SLC7A5: variants seen among roughly 807,000 people sequenced by gnomAD.
SLC7A5 encodes solute carrier family 7 member 5.
In SLC7A5, 23 loss-of-function variants were observed where a neutral mutation model predicts 50.2. The observed-to-expected ratio is 0.46, with a 90% CI of 0.33 to 0.65. SLC7A5 has a LOEUF of 0.65. SLC7A5 is among the 30% of genes least tolerant of loss of function. The pLI is 0.02. For missense variants in SLC7A5, 578 were observed against 684.4 expected (o/e 0.84, Z 1.73); for synonymous variants, 393 against 330.6 (o/e 1.19, Z -2.05).
rs2054954588 is a variant in SLC7A5, at chr16:87,833,197, G to A, written c.1469-172C>T. ...GTGTACTTGCGCATGTGGGTGCCGG[G>A]TGCCCGAGGCGCTGTCTTCAACTGA... is the stretch of plus-strand genomic sequence containing the variant. On this transcript the variant is annotated intron_variant, in intron 9 of 9. Coordinates refer to ENST00000261622, the MANE Select transcript of SLC7A5 (RefSeq NM_003486.7). The surrounding 1 kb of genome is among the most constrained non-coding windows in gnomAD (Gnocchi z 6.0). 1.3e-5 allele frequency among the ~76,000 whole-genome samples: 2 copies of A among 152,210 alleles called. No individual in the cohort carries two copies. The highest frequency in any genetic ancestry group is 4.8e-5 in the African/African-American group (2 of 41,452).
In SLC7A5 at chr16:87,852,661, TG is replaced by T. The variant is rs2055249864; in HGVS notation, c.539-813del. ...CTCTGTGTGTGTGTGTGTGTGTGTG[TG>T]TGTGTGTGTGTGTGTGTGTGTGTGT... On this transcript the variant is annotated intron_variant, in intron 1 of 9. Coordinates refer to ENST00000261622, the MANE Select transcript of SLC7A5 (RefSeq NM_003486.7). The surrounding 1 kb of genome is among the most constrained non-coding windows in gnomAD (Gnocchi z 4.5). Among the ~76,000 whole-genome samples the T allele has an allele frequency of 6.7e-6, 1 of 149,788 alleles. No individual in the cohort carries two copies. Among genetic ancestry groups the T allele is most frequent in the Non-Finnish European group, 1.5e-5 (1 of 67,432 alleles).
Position 87,869,249 on chromosome 16 carries a change from G to C in SLC7A5, c.174C>G (p.Ile58Met). 2 of 1,612,704 alleles carry C rather than the reference G, an allele frequency of 1.2e-6. No individual in the cohort carries two copies. Among genetic ancestry groups the C allele is most frequent in the Non-Finnish European group, 1.7e-6 (2 of 1,179,862 alleles). ...CCGAGCCGATAATGGTCCCCACGATGATGGCCACGCCGTTGAGCAGCGTGA... is the reference window on the plus strand; with the variant it reads ...CCGAGCCGATAATGGTCCCCACGATCATGGCCACGCCGTTGAGCAGCGTGA... ...RNITLLNGVA[I>M]IVGTIIGSGI... is the part of the protein sequence containing the mutation. The change falls in exon 1 of 10, where the codon ATC becomes ATG. Residue 58 changes from isoleucine (I) to methionine (M), a missense_variant. Physicochemically the swap from Ile to Met is conservative, Grantham distance 10 (BLOSUM62 1). This residue lies in a region of SLC7A5 where 113 missense variants were observed against 89.8 expected (regional missense o/e 1.26). Transcript: ENST00000261622.
rs1217928589 is a variant in SLC7A5 at position 87,853,338 on chromosome 16, T to A, written c.539-1489A>T. Among the ~76,000 whole-genome samples the A allele has an allele frequency of 6.6e-6, 1 of 152,234 alleles. No individual in the cohort carries two copies. Among genetic ancestry groups the A allele is most frequent in the Non-Finnish European group, 1.5e-5 (1 of 68,046 alleles). Reference sequence around the variant, plus strand: ...GAAATTAACCACCCCGCTACAATTCTGTGGATGCCAGAGCGGAGACGGCTA... The same window carrying A: ...GAAATTAACCACCCCGCTACAATTCAGTGGATGCCAGAGCGGAGACGGCTA... On this transcript the variant is annotated intron_variant, in intron 1 of 9. Transcript: ENST00000261622. The surrounding 1 kb of genome is among the most constrained non-coding windows in gnomAD (Gnocchi z 4.4).
At chr16:87,867,257 T>C (rs2055474423) in intron 1 of SLC7A5, among the ~76,000 whole-genome samples, 1 of 152,210 alleles carries the variant, frequency 6.6e-6, no homozygotes, top group African/African-American at 2.4e-5. Context: ...GAGTGCAGGC[T>C]GCGTAAGCTA....
At chr16:87,840,331 G>T in intron 4 of SLC7A5, 98 bp downstream of exon 4, 1 of 1,122,156 alleles carries the variant, frequency 8.9e-7, no homozygotes, top group South Asian at 1.2e-5. Context: ...ACTGTGAACT[G>T]GCCTGAGCCG....
chr16:87,843,593 A>G (rs1021478894), intron 2 of SLC7A5, among the ~76,000 whole-genome samples: 4 of 151,960 alleles, frequency 2.6e-5, no homozygotes, highest in African/African-American at 4.8e-5. Flanking sequence ...GAGACACACC[A>G]GAGGTGGGAG....
chr16:87,867,401 A>T (rs1428115380), intron 1 of SLC7A5, among the ~76,000 whole-genome samples: 2 of 152,226 alleles, frequency 1.3e-5, no homozygotes, highest in African/African-American at 4.8e-5. Flanking sequence ...GCTGGAAGGC[A>T]CAGGCTCTCC....
chr16:87,857,010 G>A lies in SLC7A5; in HGVS notation c.539-5161C>T, dbSNP rs1343175498. Among the ~76,000 whole-genome samples, 5 of 152,152 alleles carry A rather than the reference G, an allele frequency of 3.3e-5. No homozygotes were observed. The South Asian group carries it at 1.0e-3, about 31-fold the overall frequency. ...CCCTGATGGACACGTCACCGCCCCG[G>A]GCTCCAGAAAATGAATGTGTCTGAC... On this transcript the variant is annotated intron_variant, in intron 1 of 9. Transcript: ENST00000261622.
At chr16:87,837,975 C>A in intron 6 of SLC7A5, 34 bp from the exon 7 acceptor site, 1 of 1,499,586 alleles carries the variant, frequency 6.7e-7, no homozygotes, top group East Asian at 2.3e-5. Context: ...AGTCAGCCAC[C>A]GCCCCACAAC....
At position 87,834,568 on chromosome 16, in the gene SLC7A5, G is replaced by A. The variant is rs2054973323; in HGVS notation, c.1314C>T (p.Phe438=). The A allele has an allele frequency of 6.3e-7, 1 of 1,595,998 alleles. No homozygotes were observed. ...PIKVNLALPV[F]FILACLFLIA... ...TCAGGAAGAGGCAGGCCAGGATGAA[G>A]AACACAGGCAGGGCCAGGTTCACCT... The change falls in exon 9 of 10, where the codon TTC becomes TTT. Residue 438 remains phenylalanine, a synonymous_variant. Coordinates refer to ENST00000261622, the MANE Select transcript of SLC7A5 (RefSeq NM_003486.7).
In SLC7A5 at chr16:87,852,246, A is replaced by T. The variant is rs1415370907; in HGVS notation, c.539-397T>A. Among the ~76,000 whole-genome samples the T allele has an allele frequency of 6.6e-6, 1 of 151,944 alleles. No individual in the cohort carries two copies. Among genetic ancestry groups the T allele is most frequent in the Non-Finnish European group, 1.5e-5 (1 of 67,974 alleles). On this transcript the variant is annotated intron_variant, in intron 1 of 9. Coordinates refer to ENST00000261622, the MANE Select transcript of SLC7A5 (RefSeq NM_003486.7). This position sits in a 1 kb window ranked among gnomAD's most constrained non-coding sequence, Gnocchi z 4.5. ...TTACACCTTTTTGTACCTACTCAGC[A>T]CCCTGACCTGACTGTGAGACCCACG... is the stretch of plus-strand genomic sequence containing the variant.
intron 1 of SLC7A5, among the ~76,000 whole-genome samples, chr16:87,867,434 T>C (rs1026286260): frequency 6.6e-5 from 10 of 152,202 alleles, no homozygotes; most frequent in African/African-American, 1.9e-4. Flanking sequence ...TGCTACGATT[T>C]TTCCCGGCTT....
In SLC7A5 at chr16:87,834,727, C is replaced by T. The variant is rs2054976428; in HGVS notation, c.1291-136G>A. ...CCAGGTCACCAAGATGCGATCTGCACTCCATCTGCCTCACACACCGGGCTG... is the reference window on the plus strand; with the variant it reads ...CCAGGTCACCAAGATGCGATCTGCATTCCATCTGCCTCACACACCGGGCTG... On this transcript the variant is annotated intron_variant, in intron 8 of 9. Coordinates refer to ENST00000261622, the MANE Select transcript of SLC7A5 (RefSeq NM_003486.7). 26 of 849,168 alleles carry T rather than the reference C, an allele frequency of 3.1e-5. No homozygotes were observed. In the South Asian group the frequency reaches 3.6e-4, roughly 12 times the overall value. 52.6% of individuals were successfully genotyped at this position (849,168 alleles called of 1,614,324 possible). A position where few individuals can be genotyped will look rare whatever the true frequency, so the allele number is the denominator to read the frequency against.
chr16:87,841,015 C>T lies in SLC7A5; in HGVS notation c.770+35G>A, dbSNP rs143994300. 4.1e-6 allele frequency: 6 copies of T among 1,479,840 alleles called. No homozygotes were observed. The African/African-American group carries it at 7.0e-5, about 17-fold the overall frequency. 91.7% of individuals were successfully genotyped at this position (1,479,840 alleles called of 1,614,324 possible). On this transcript the variant is annotated intron_variant, in intron 3 of 9. Transcript: ENST00000261622. The surrounding 1 kb of genome is among the most constrained non-coding windows in gnomAD (Gnocchi z 4.8). ...CTGGACACGTCAGGGACTGTATGTC[C>T]CCAGACCAAGGGACCCAGACATTCC...
intron 1 of SLC7A5, among the ~76,000 whole-genome samples, chr16:87,864,155 G>T (rs1278302494): frequency 1.3e-5 from 2 of 151,068 alleles, no homozygotes; most frequent in African/African-American, 4.9e-5. Flanking sequence ...AGCCAGGCAT[G>T]GTGGTGCATG....
rs200874231 is a variant in SLC7A5, at chr16:87,863,982, T to TAAAAAAAA, written c.538+4902_538+4903insTTTTTTTT. On this transcript the variant is annotated intron_variant, in intron 1 of 9. Coordinates refer to ENST00000261622, the MANE Select transcript of SLC7A5 (RefSeq NM_003486.7). ...GAACCCAACCTTATGTGTGATCATT[T>TAAAAAAAA]AAAAATATATATATATATATATATA... Among the ~76,000 whole-genome samples the TAAAAAAAA allele has an allele frequency of 9.2e-3, 992 of 107,872 alleles. 14 individuals are homozygous for TAAAAAAAA. Among genetic ancestry groups the TAAAAAAAA allele is most frequent in the South Asian group, 0.015 (50 of 3,274 alleles). The allele number at this position is 107,872 out of a possible 152,430, so 70.8% of individuals were successfully genotyped here. A position where few individuals can be genotyped will look rare whatever the true frequency, so the allele number is the denominator to read the frequency against.
rs77211572 is a variant in SLC7A5, at chr16:87,852,427, G to A, written c.539-578C>T. On this transcript the variant is annotated intron_variant, in intron 1 of 9. Coordinates refer to ENST00000261622, the MANE Select transcript of SLC7A5 (RefSeq NM_003486.7). The surrounding 1 kb of genome is among the most constrained non-coding windows in gnomAD (Gnocchi z 4.5). The stretch of plus-strand genomic sequence containing the variant: ...GGGAGGGGCCACAGGGGCCTGTGGT[G>A]AGCAGAGCAGACCCTGCTGCCCTGC... 0.011 allele frequency among the ~76,000 whole-genome samples: 1,616 copies of A among 152,296 alleles called. 30 individuals carry two copies. The highest frequency in any genetic ancestry group is 0.033 in the African/African-American group (1,378 of 41,558).
At chr16:87,838,879 A>T in intron 5 of SLC7A5, 62 bp from the exon 6 acceptor site, 1 of 1,265,048 alleles carries the variant, frequency 7.9e-7, no homozygotes, top group South Asian at 1.2e-5. Flanking sequence ...CCCTGTGCTC[A>T]CTGGGAGCCC....
chr16:87,844,570 C>G (rs1340831993), intron 2 of SLC7A5, among the ~76,000 whole-genome samples: 2 of 152,270 alleles, frequency 1.3e-5, no homozygotes, highest in African/African-American at 2.4e-5. Context: ...GCGGCCAACC[C>G]TCCAAGCCTC....
Sources: allele counts gnomAD v4.1 joint callset (sites outside exome capture counted in the v4.1 genomes callset), GRCh38; gene constraint gnomAD v4.1.1; regional missense constraint gnomAD v4.1.1; non-coding constraint Gnocchi (gnomAD v3.1); transcripts MANE v1.5; gene names NCBI Gene and HGNC (gene_info 2026-07-23, HGNC 2026-07-21).